The following CNBD1 variants were observed in gnomAD, a reference collection of about 807,000 sequenced individuals.
The protein encoded by CNBD1 is cyclic nucleotide-binding domain-containing protein 1.
CNBD1 carries 71 observed loss-of-function variants against 54.4 expected under a neutral mutation model. That is an observed-to-expected ratio of 1.30 (90% CI 1.08 to 1.59). The LOEUF (loss-of-function observed/expected upper bound fraction) is 1.59, where lower values mean the gene tolerates loss of function less well. CNBD1 is among the 40% of genes most tolerant of loss of function. The pLI is 0.00. For synonymous variants in CNBD1, 182 were observed against 170.7 expected (o/e 1.07, Z -0.51); for missense variants, 659 against 518.0 (o/e 1.27, Z -2.64).
chr8:87,092,051 A>G (rs1435839009), intron 4 of CNBD1, among the ~76,000 whole-genome samples: 1 of 152,212 alleles, frequency 6.6e-6, no homozygotes. Flanking sequence ...TTTATTTCAT[A>G]TTAATCTGAA....
At chr8:87,228,146 A>AT in intron 5 of CNBD1, among the ~76,000 whole-genome samples, 1 of 150,136 alleles carries the variant, frequency 6.7e-6, no homozygotes, top group East Asian at 1.9e-4. Context: ...ATTCTTCTAA[A>AT]TTTTTTTCAA....
chr8:86,994,811 G>A (rs1282004699), intron 4 of CNBD1, among the ~76,000 whole-genome samples: 1 of 151,950 alleles, frequency 6.6e-6, no homozygotes, highest in Non-Finnish European at 1.5e-5. Context: ...TTGATATTTT[G>A]GTCACTCTCA....
chr8:87,184,258 T>C (rs1379498756), intron 4 of CNBD1, among the ~76,000 whole-genome samples: 3 of 152,072 alleles, frequency 2.0e-5, no homozygotes, highest in African/African-American at 7.2e-5. Context: ...GGCAAACTTT[T>C]TAGTGGGGCA....
At chr8:87,103,638 C>A (rs1811475777) in intron 4 of CNBD1, among the ~76,000 whole-genome samples, 2 of 152,188 alleles carry the variant, frequency 1.3e-5, no homozygotes, top group Admixed American at 6.5e-5. Context: ...ACCAGCAGAT[C>A]TTGTGAGAAC....
At chr8:87,317,470 T>C (rs1809414089) in intron 8 of CNBD1, among the ~76,000 whole-genome samples, 1 of 151,828 alleles carries the variant, frequency 6.6e-6, no homozygotes, top group Non-Finnish European at 1.5e-5. Flanking sequence ...TTCAAGTAAA[T>C]TTTTAAATTT....
chr8:86,906,532 CA>C (rs1218833706), intron 3 of CNBD1, among the ~76,000 whole-genome samples: 3 of 152,084 alleles, frequency 2.0e-5, no homozygotes, highest in Non-Finnish European at 4.4e-5. Context: ...TGTGATTTAT[CA>C]AGTTAACATC....
In CNBD1 at chr8:87,095,854, C is replaced by T. The variant is rs1447359528; in HGVS notation, c.432-110139C>T. On this transcript the variant is annotated intron_variant, in intron 4 of 10. Coordinates refer to ENST00000518476, the MANE Select transcript of CNBD1 (RefSeq NM_173538.3). ...TTGTATTTTTAGTAGAGACGGGGGTCTCACTGTGTTAGCCAGGATGGTCTC... is the reference window on the plus strand; with the variant it reads ...TTGTATTTTTAGTAGAGACGGGGGTTTCACTGTGTTAGCCAGGATGGTCTC... Among the ~76,000 whole-genome samples, 16 of 152,212 alleles carry T rather than the reference C, an allele frequency of 1.1e-4. No individual in the cohort carries two copies. The East Asian group carries it at 1.4e-3, about 13-fold the overall frequency.
At chr8:87,181,938 T>C (rs746656824) in intron 4 of CNBD1, among the ~76,000 whole-genome samples, 3 of 152,158 alleles carry the variant, frequency 2.0e-5, no homozygotes, top group Non-Finnish European at 4.4e-5. Flanking sequence ...GTGCAGGTTT[T>C]TTCCATGAGT....
chr8:87,395,374 G>A (rs1339233922), intron 2 of CNBD1, among the ~76,000 whole-genome samples: 1 of 151,784 alleles, frequency 6.6e-6, no homozygotes, highest in Non-Finnish European at 1.5e-5. Context: ...TGGAGAAGAG[G>A]GAAGGGAACA....
At chr8:87,318,315 A>G (rs975767671) in intron 8 of CNBD1, among the ~76,000 whole-genome samples, 6 of 152,194 alleles carry the variant, frequency 3.9e-5, no homozygotes, top group African/African-American at 9.6e-5. Context: ...TTAAATATGT[A>G]TAAGTTTTCT....
At chr8:87,137,663 G>A (rs1812285429) in intron 4 of CNBD1, among the ~76,000 whole-genome samples, 1 of 152,188 alleles carries the variant, frequency 6.6e-6, no homozygotes, top group Admixed American at 6.5e-5. Flanking sequence ...TGTTAAAGGA[G>A]GAGCAGTGGT....
chr8:87,376,354 G>C (rs1810935939), intron 10 of CNBD1, among the ~76,000 whole-genome samples: 2 of 151,910 alleles, frequency 1.3e-5, no homozygotes, highest in South Asian at 2.1e-4. Context: ...GCTCTGACAA[G>C]GGTACTAATT....
At chr8:86,913,394 C>T (rs1053248452) in intron 3 of CNBD1, among the ~76,000 whole-genome samples, 11 of 152,016 alleles carry the variant, frequency 7.2e-5, no homozygotes, top group East Asian at 1.9e-4. Context: ...CCATTGTTAT[C>T]GGGGGAACCT....
At chr8:87,359,182 G>C (rs1363652300) in intron 10 of CNBD1, among the ~76,000 whole-genome samples, 1 of 152,060 alleles carries the variant, frequency 6.6e-6, no homozygotes, top group East Asian at 1.9e-4. Context: ...TCAAATACTT[G>C]GCATTGTATG....
intron 10 of CNBD1, among the ~76,000 whole-genome samples, chr8:87,357,807 A>T (rs939052181): frequency 1.3e-5 from 2 of 152,218 alleles, no homozygotes; most frequent in Admixed American, 1.3e-4. Context: ...TATAGTTTGG[A>T]TGTCTGTCCC....
chr8:87,129,869 G>C (rs1270863504), intron 4 of CNBD1, among the ~76,000 whole-genome samples: 3 of 152,090 alleles, frequency 2.0e-5, no homozygotes, highest in Non-Finnish European at 4.4e-5. Context: ...CCCAAGACTG[G>C]GGAAATTTAG....
intron 2 of CNBD1, among the ~76,000 whole-genome samples, chr8:86,894,191 A>T: frequency 6.7e-6 from 1 of 148,496 alleles, no homozygotes; most frequent in Admixed American, 6.7e-5. Context: ...CCTCCCGAGT[A>T]GCTGGGACTA....
At chr8:87,098,764 G>A (rs1415544813) in intron 4 of CNBD1, among the ~76,000 whole-genome samples, 1 of 151,168 alleles carries the variant, frequency 6.6e-6, no homozygotes, top group Non-Finnish European at 1.5e-5. Flanking sequence ...TGGGCCAGGC[G>A]CAGTGGCTCA....
intron 4 of CNBD1, among the ~76,000 whole-genome samples, chr8:86,963,458 A>AGGG (rs903571143): frequency 1.3e-5 from 2 of 152,110 alleles, no homozygotes; most frequent in Admixed American, 1.3e-4. Flanking sequence ...AAGGTGCCTC[A>AGGG]GGGGGGTGTA....
Sources: gnomAD v4.1 joint callset for allele counts (sites outside exome capture counted in the v4.1 genomes callset) on GRCh38, gnomAD v4.1.1 for gene constraint, MANE v1.5 for transcripts, NCBI Gene and HGNC (gene_info 2026-07-23, HGNC 2026-07-21) for gene names.